The following DIO2 variants were observed in gnomAD, a reference collection of about 807,000 sequenced individuals.
DIO2 encodes the protein type II iodothyronine deiodinase.
Under a neutral mutation model 21.4 loss-of-function variants are expected in DIO2, and 19 were observed. The observed-to-expected ratio is 0.89, with a 90% CI of 0.62 to 1.30. The LOEUF is 1.30. Ranked by LOEUF, DIO2 falls within the 50% of genes most tolerant of loss-of-function variation. DIO2 has a pLI of 0.00. For missense variants in DIO2, 302 were observed against 338.1 expected, an observed-to-expected ratio of 0.89 and a Z score of 0.84; for synonymous variants, 122 against 132.9, an observed-to-expected ratio of 0.92 and a Z score of 0.57.
At chr14:80,216,304 T>A (rs1461350806), upstream of DIO2, among the ~76,000 whole-genome samples, 1 of 152,170 alleles carries the variant, frequency 6.6e-6, no homozygotes, top group East Asian at 1.9e-4. Context: ...AAAGAGCCAG[T>A]TAATGCTAAT....
At chr14:80,213,724 C>A (rs1358475245), upstream of DIO2, among the ~76,000 whole-genome samples, 3 of 152,094 alleles carry the variant, frequency 2.0e-5, no homozygotes, top group South Asian at 6.2e-4. Flanking sequence ...TAGGGGGCAC[C>A]ATTCACATAC....
upstream of DIO2, among the ~76,000 whole-genome samples, chr14:80,212,387 A>T (rs1406019697): frequency 6.6e-6 from 1 of 151,870 alleles, no homozygotes; most frequent in Non-Finnish European, 1.5e-5. Flanking sequence ...TTGCTTTGTG[A>T]TTTAAAGAGA....
At chr14:80,205,347 T>C (rs1366109486) in intron 1 of DIO2, among the ~76,000 whole-genome samples, 28 of 152,196 alleles carry the variant, frequency 1.8e-4, no homozygotes, top group Admixed American at 1.4e-3. Context: ...AAGACCTAAA[T>C]GCATTCAGAT....
Position 80,202,043 on chromosome 14 carries a change from C to T in DIO2, c.*646G>A. The T allele has an allele frequency of 5.1e-6, 1 of 195,440 alleles. No individual in the cohort carries two copies. The highest frequency in any genetic ancestry group is 1.6e-4 in the East Asian group (1 of 6,340). 12.1% of individuals were successfully genotyped at this position (195,440 alleles called of 1,614,324 possible). ...CTCTCCACCTGCCTAGAAATTAACC[C>T]TCAGATTACAGATGATCATTCTAAC... On this transcript the variant is annotated 3_prime_UTR_variant, in exon 2 of 2. Transcript: ENST00000438257.
At chr14:80,222,860 C>CTTTTTTTT (rs200049777) in intron 2 of DIO2, among the ~76,000 whole-genome samples, 2 of 138,820 alleles carry the variant, frequency 1.4e-5, no homozygotes, top group Non-Finnish European at 1.6e-5. Context: ...TTCTTTGTTT[C>CTTTTTTTT]TTTTTTTTTT....
chr14:80,224,291 T>C (rs1287958457), intron 2 of DIO2, among the ~76,000 whole-genome samples: 1 of 152,144 alleles, frequency 6.6e-6, no homozygotes, highest in Non-Finnish European at 1.5e-5. Context: ...GCAATTTGTA[T>C]GATAGGCTAA....
At chr14:80,218,649 G>A (rs1888403030) in intron 2 of DIO2, among the ~76,000 whole-genome samples, 1 of 152,126 alleles carries the variant, frequency 6.6e-6, no homozygotes, top group African/African-American at 2.4e-5. Context: ...ACATTTTAAT[G>A]GACAATGTGC....
chr14:80,203,398 T>G (rs1887826343), intron 1 of DIO2, 110 bp from the exon 2 acceptor site: 1 of 1,282,526 alleles, frequency 7.8e-7, no homozygotes, highest in African/African-American at 1.5e-5. Context: ...TCTAATAGAG[T>G]GTGGTATTTC....
In DIO2 at chr14:80,200,986, G is replaced by C. The variant is rs1226353906; in HGVS notation, c.*1703C>G. 6.6e-6 allele frequency: 1 copy of C among 151,560 alleles called. No homozygotes were observed. The highest frequency in any genetic ancestry group is 1.5e-5 in the Non-Finnish European group (1 of 67,858). 9.4% of individuals were successfully genotyped at this position (151,560 alleles called of 1,614,324 possible). ...TAATGGAATGGACAAAAGATCCTTT[G>C]ATTGTACCTTTAAATACAATCATAT... On this transcript the variant is annotated 3_prime_UTR_variant, in exon 2 of 2. Coordinates refer to ENST00000438257, the MANE Select transcript of DIO2 (RefSeq NM_013989.5).
At chr14:80,228,385 C>A (rs922657853) in intron 2 of DIO2, among the ~76,000 whole-genome samples, 1 of 152,174 alleles carries the variant, frequency 6.6e-6, no homozygotes, top group African/African-American at 2.4e-5. Flanking sequence ...ACAGCAGATG[C>A]ATTTGGAGTG....
At chr14:80,212,025 T>C (rs1350459918), upstream of DIO2, 4 of 150,638 alleles carry the variant, frequency 2.7e-5, no homozygotes, top group Admixed American at 1.3e-4. Context: ...TTTTTTTTTT[T>C]CTTTCTTTAC....
chr14:80,206,889 C>T (rs1887977443), intron 1 of DIO2, among the ~76,000 whole-genome samples: 1 of 152,124 alleles, frequency 6.6e-6, no homozygotes, highest in African/African-American at 2.4e-5. Flanking sequence ...CTTTCCCTGC[C>T]AGCATTAGCC....
At chr14:80,205,287 G>A (rs181277125) in intron 1 of DIO2, among the ~76,000 whole-genome samples, 121 of 152,130 alleles carry the variant, frequency 8.0e-4, no homozygotes, top group African/African-American at 2.8e-3. Context: ...TCTAGAAGGG[G>A]TGTTTTAACA....
chr14:80,229,713 C>G (rs921105257), intron 2 of DIO2, among the ~76,000 whole-genome samples: 1 of 152,146 alleles, frequency 6.6e-6, no homozygotes, highest in African/African-American at 2.4e-5. Context: ...ACTATTAGAA[C>G]ATTTTTTTAG....
At chr14:80,205,545 A>G in intron 1 of DIO2, 1 of 1,196,370 alleles carries the variant, frequency 8.4e-7, no homozygotes, top group Non-Finnish European at 1.1e-6. Flanking sequence ...ATTATGTCTG[A>G]TTATTCAACT....
In DIO2 at chr14:80,197,716, C is replaced by G. The variant is rs1425142133; in HGVS notation, c.*4973G>C. On this transcript the variant is annotated 3_prime_UTR_variant, in exon 2 of 2. Transcript: ENST00000438257. ...ATTCTCACCACATTTACCCAGGACT[C>G]TTAGCATCATGTCCCGCATATTCTC... 2 of 152,616 alleles carry G rather than the reference C, an allele frequency of 1.3e-5. No homozygotes were observed. The highest frequency in any genetic ancestry group is 2.9e-5 in the Non-Finnish European group (2 of 68,028). The allele number at this position is 152,616 out of a possible 1,614,324, so 9.5% of individuals were successfully genotyped here. A position where few individuals can be genotyped will look rare whatever the true frequency, so the allele number is the denominator to read the frequency against.
rs1887783364 is a variant in DIO2, at chr14:80,202,762, T to C, written c.749A>G (p.Asn250Ser). ...YLGGKGPFSY[N>S]LQEVRHWLEK... Reference sequence around the variant, plus strand: ...CAGCCAATGCCGGACTTCTTGAAGGTTGTAGGAGAAGGGGCCCTTTCCTCC... The same window carrying C: ...CAGCCAATGCCGGACTTCTTGAAGGCTGTAGGAGAAGGGGCCCTTTCCTCC... The change falls in exon 2 of 2, where the codon AAC (asparagine) becomes AGC (serine). Residue 250 changes from asparagine (N) to serine (S), a missense_variant. Physicochemically the swap from Asn to Ser is conservative, Grantham distance 46. Coordinates refer to ENST00000438257, the MANE Select transcript of DIO2 (RefSeq NM_013989.5). 5.6e-6 allele frequency: 9 copies of C among 1,613,906 alleles called. No individual in the cohort carries two copies. The highest frequency in any genetic ancestry group is 2.2e-5 in the East Asian group (1 of 44,896).
intron 2 of DIO2, among the ~76,000 whole-genome samples, chr14:80,227,355 C>G (rs757261512): frequency 1.3e-5 from 2 of 152,294 alleles, no homozygotes; most frequent in East Asian, 3.9e-4. Context: ...AGGACCTGCT[C>G]GAGCTCAATC....
chr14:80,217,257 G>C (rs1354422406), intron 2 of DIO2, among the ~76,000 whole-genome samples: 1 of 152,160 alleles, frequency 6.6e-6, no homozygotes, highest in Non-Finnish European at 1.5e-5. Context: ...TTATGAAAAT[G>C]TTATCAGTGG....
Sources: allele counts gnomAD v4.1 joint callset (sites outside exome capture counted in the v4.1 genomes callset), GRCh38; gene constraint gnomAD v4.1.1; transcripts MANE v1.5; gene names NCBI Gene and HGNC (gene_info 2026-07-23, HGNC 2026-07-21).